The following SMIM43 variants were observed in gnomAD, a reference collection of about 807,000 sequenced individuals.
SMIM43 encodes the protein Nodal Enhanced MEsendoderm Peptide.
In SMIM43 at chr4:121,764,885, G is replaced by T. The variant is rs933770459; in HGVS notation, c.*29C>A. 2.3e-5 allele frequency: 9 copies of T among 397,934 alleles called. No individual in the cohort carries two copies. The highest frequency in any genetic ancestry group is 1.6e-4 in the African/African-American group (8 of 48,574). The allele number at this position is 397,934 out of a possible 1,614,324, so 24.7% of individuals were successfully genotyped here. A position where few individuals can be genotyped will look rare whatever the true frequency, so the allele number is the denominator to read the frequency against. ...CCCAGCCCAGCGCCCGCGCAGCTCGGTGCCCTCCCGCCAGTGCCCGCACTC... is the reference window on the plus strand; with the variant it reads ...CCCAGCCCAGCGCCCGCGCAGCTCGTTGCCCTCCCGCCAGTGCCCGCACTC... On this transcript the variant is annotated 3_prime_UTR_variant, in exon 1 of 6. Coordinates refer to ENST00000643802, the MANE Select transcript of SMIM43 (RefSeq NM_001384332.1).
Position 121,763,846 on chromosome 4 carries a change from GC to G in SMIM43, c.*123del, listed in dbSNP as rs912550222. 6.6e-6 allele frequency: 1 copy of G among 152,134 alleles called. No individual in the cohort carries two copies. Among genetic ancestry groups the G allele is most frequent in the Non-Finnish European group, 1.5e-5 (1 of 68,038 alleles). The allele number at this position is 152,134 out of a possible 1,614,324, so 9.4% of individuals were successfully genotyped here. A position where few individuals can be genotyped will look rare whatever the true frequency, so the allele number is the denominator to read the frequency against. On this transcript the variant is annotated 3_prime_UTR_variant, in exon 2 of 6. Transcript: ENST00000643802. ...TGTCATTGCAGCTGTGGTCCCCTGA[GC>G]ACCAGTCAAGGGCAGCAGCTCGGCT...
chr4:121,760,233 T>G lies in SMIM43; in HGVS notation c.*741A>C. 1 of 1,535,416 alleles carries G rather than the reference T, an allele frequency of 6.5e-7. No homozygotes were observed. The highest frequency in any genetic ancestry group is 8.7e-7 in the Non-Finnish European group (1 of 1,144,340). On this transcript the variant is annotated 3_prime_UTR_variant, in exon 6 of 6. Transcript: ENST00000643802. The stretch of plus-strand genomic sequence containing the variant: ...AGATCCACCATCATCTTCTTCTTCA[T>G]CAAGAGAAACTGGATTTTTGTCAAA...
At chr4:121,761,062 T>C (rs1271719135) in intron 5 of SMIM43, among the ~76,000 whole-genome samples, 1 of 152,136 alleles carries the variant, frequency 6.6e-6, no homozygotes, top group Non-Finnish European at 1.5e-5. Context: ...CATAACATTA[T>C]TTATTTTGTG....
chr4:121,760,599 C>A (rs1412855655), intron 5 of SMIM43, 125 bp from the exon 6 acceptor site: 9 of 1,357,594 alleles, frequency 6.6e-6, no homozygotes, highest in African/African-American at 1.5e-5. Flanking sequence ...AAGAACAAAC[C>A]CTCTAATTTA....
intron 2 of SMIM43, 126 bp downstream of exon 2, chr4:121,763,638 G>C (rs2110528222): frequency 6.6e-6 from 1 of 152,298 alleles, no homozygotes; most frequent in African/African-American, 2.4e-5. Flanking sequence ...ATTTGAGTGG[G>C]AGAGTGCCCT....
chr4:121,763,764 C>G lies in SMIM43; in HGVS notation c.*206G>C, dbSNP rs1031213670. 4 of 152,178 alleles carry G rather than the reference C, an allele frequency of 2.6e-5. No individual in the cohort carries two copies. Among genetic ancestry groups the G allele is most frequent in the African/African-American group, 9.7e-5 (4 of 41,412 alleles). The allele number at this position is 152,178 out of a possible 1,614,324, so 9.4% of individuals were successfully genotyped here. ...GAAACCATGCGTCATCCCAACTTAC[C>G]ATTTGCAGAAAGCTTCCATCTCCCG... On this transcript the variant is annotated splice_region_variant and 3_prime_UTR_variant, in exon 2 of 6. Coordinates refer to ENST00000643802, the MANE Select transcript of SMIM43 (RefSeq NM_001384332.1).
chr4:121,760,532 G>A, intron 5 of SMIM43, 58 bp from the exon 6 acceptor site: 1 of 1,463,814 alleles, frequency 6.8e-7, no homozygotes, highest in Non-Finnish European at 9.0e-7. Flanking sequence ...TGACACCCGT[G>A]AGCTGCTGAA....
Position 121,759,082 on chromosome 4 carries a change from T to C in SMIM43, c.*1892A>G, listed in dbSNP as rs995448302. 6.6e-5 allele frequency: 10 copies of C among 152,084 alleles called. No individual in the cohort carries two copies. The highest frequency in any genetic ancestry group is 2.9e-5 in the Non-Finnish European group (2 of 68,006). The allele number at this position is 152,084 out of a possible 1,614,324, so 9.4% of individuals were successfully genotyped here. On this transcript the variant is annotated 3_prime_UTR_variant, in exon 6 of 6. Transcript: ENST00000643802. ...GAATAAATTGCACAAGAGAACAAAATAATCTCTGCTGAGTCACTCTGACTA... is the reference window on the plus strand; with the variant it reads ...GAATAAATTGCACAAGAGAACAAAACAATCTCTGCTGAGTCACTCTGACTA...
rs1182171172 is a variant in SMIM43, at chr4:121,759,572, C to A, written c.*1402G>T. On this transcript the variant is annotated 3_prime_UTR_variant, in exon 6 of 6. Transcript: ENST00000643802. ...GCCTATATGGTTACCATATTGGACA[C>A]TGCAGATATAGAACATTTCTGTCAT... is the stretch of plus-strand genomic sequence containing the variant. 1 of 152,244 alleles carries A rather than the reference C, an allele frequency of 6.6e-6. No homozygotes were observed. The highest frequency in any genetic ancestry group is 2.4e-5 in the African/African-American group (1 of 41,462). 9.4% of individuals were successfully genotyped at this position (152,244 alleles called of 1,614,324 possible).
chr4:121,760,182 G>A lies in SMIM43; in HGVS notation c.*792C>T. 6.8e-7 allele frequency: 1 copy of A among 1,466,204 alleles called. No homozygotes were observed. The highest frequency in any genetic ancestry group is 9.1e-7 in the Non-Finnish European group (1 of 1,094,824). The allele number at this position is 1,466,204 out of a possible 1,614,324, so 90.8% of individuals were successfully genotyped here. A position where few individuals can be genotyped will look rare whatever the true frequency, so the allele number is the denominator to read the frequency against. ...CTCTGCAACTGTATTCTGTAGCCAG[G>A]GCATAAAATGTTAGTTGTCCTCCCA... On this transcript the variant is annotated 3_prime_UTR_variant, in exon 6 of 6. Transcript: ENST00000643802.
At chr4:121,761,428 A>G in intron 5 of SMIM43, 110 bp downstream of exon 5, 1 of 1,029,380 alleles carries the variant, frequency 9.7e-7, no homozygotes, top group Non-Finnish European at 1.4e-6. Context: ...AAACTTTAAA[A>G]TTTTGGTCAT....
Position 121,761,570 on chromosome 4 carries a change from CA to C in SMIM43, c.*466del. On this transcript the variant is annotated 3_prime_UTR_variant, in exon 5 of 6. Coordinates refer to ENST00000643802, the MANE Select transcript of SMIM43 (RefSeq NM_001384332.1). ...CAAGTTTCCACCCCTGCAAGCGAAC[CA>C]AAAACAAATCCTGGCACCTTGCCAT... 2 of 1,610,750 alleles carry C rather than the reference CA, an allele frequency of 1.2e-6. No individual in the cohort carries two copies. Among genetic ancestry groups the C allele is most frequent in the Admixed American group, 1.7e-5 (1 of 59,470 alleles).
chr4:121,762,577 G>T (rs951156611), intron 3 of SMIM43, 150 bp downstream of exon 3: 1 of 152,124 alleles, frequency 6.6e-6, no homozygotes, highest in African/African-American at 2.4e-5. Context: ...GGATAAATGG[G>T]AACTTGGTCA....
intron 4 of SMIM43, 50 bp from the exon 5 acceptor site, chr4:121,761,745 T>G: frequency 6.2e-7 from 1 of 1,611,180 alleles, no homozygotes; most frequent in Non-Finnish European, 8.5e-7. Flanking sequence ...ACATTTTAGA[T>G]TTTGCAGGTG....
upstream of SMIM43, chr4:121,765,282 A>C: frequency 2.7e-6 from 1 of 370,422 alleles, no homozygotes; most frequent in Non-Finnish European, 4.8e-6. Flanking sequence ...AAACGCGCCA[A>C]GGAGCTGAGG....
In SMIM43 at chr4:121,765,135, C is replaced by A. The variant is rs905329274; in HGVS notation, c.-30G>T. The A allele has an allele frequency of 5.1e-6, 2 of 395,514 alleles. No homozygotes were observed. Among genetic ancestry groups the A allele is most frequent in the South Asian group, 1.3e-4 (1 of 7,828 alleles). The allele number at this position is 395,514 out of a possible 1,614,324, so 24.5% of individuals were successfully genotyped here. On this transcript the variant is annotated 5_prime_UTR_variant, in exon 1 of 6. Coordinates refer to ENST00000643802, the MANE Select transcript of SMIM43 (RefSeq NM_001384332.1). ...GAGGCGCCGGCGCTCGCTGGCCCTG[C>A]GCGCTCGGCGCGGGCTGCAGCTGGA...
intron 5 of SMIM43, 33 bp from the exon 6 acceptor site, chr4:121,760,507 C>G: frequency 1.3e-6 from 2 of 1,499,952 alleles, no homozygotes; most frequent in Non-Finnish European, 1.8e-6. Context: ...CCTCAGCAGC[C>G]ACCTTAATTA....
At chr4:121,762,200 CAGGGGATGG>C (rs1726108828) in intron 3 of SMIM43, among the ~76,000 whole-genome samples, 1 of 152,068 alleles carries the variant, frequency 6.6e-6, no homozygotes, top group Non-Finnish European at 1.5e-5. Context: ...AGGGGATCGT[CAGGGGATGG>C]AGTAGCCAAC....
Position 121,759,436 on chromosome 4 carries a change from C to G in SMIM43, c.*1538G>C, listed in dbSNP as rs1048341475. The G allele has an allele frequency of 1.3e-5, 2 of 152,172 alleles. No homozygotes were observed. Among genetic ancestry groups the G allele is most frequent in the Admixed American group, 1.3e-4 (2 of 15,270 alleles). 9.4% of individuals were successfully genotyped at this position (152,172 alleles called of 1,614,324 possible). ...TATACCGTGCTATCTAACACAATAGCTAGTAGCCCCATTTGGCTATCTGAA... is the reference window on the plus strand; with the variant it reads ...TATACCGTGCTATCTAACACAATAGGTAGTAGCCCCATTTGGCTATCTGAA... On this transcript the variant is annotated 3_prime_UTR_variant, in exon 6 of 6. Coordinates refer to ENST00000643802, the MANE Select transcript of SMIM43 (RefSeq NM_001384332.1).
Sources: allele counts gnomAD v4.1 joint callset (sites outside exome capture counted in the v4.1 genomes callset), GRCh38; gene constraint gnomAD v4.1.1; transcripts MANE v1.5; gene names NCBI Gene and HGNC (gene_info 2026-07-23, HGNC 2026-07-21).